PBX4: variants seen among roughly 807,000 people sequenced by gnomAD.
PBX4 encodes the protein PBX homeobox 4, also known as pre-B-cell leukemia transcription factor 4.
A neutral mutation model predicts 35.1 loss-of-function variants in PBX4; 26 were observed. The observed-to-expected ratio is 0.74, with a 90% CI of 0.54 to 1.03. PBX4 has a LOEUF of 1.03. Among genes scored for constraint, PBX4 ranks in the 50% least tolerant of loss-of-function variants. The probability of loss-of-function intolerance (pLI) is 0.00; values close to 1 mark genes in which losing one functional copy is unlikely to be tolerated. For synonymous variants in PBX4, 199 were observed against 204.2 expected, an observed-to-expected ratio of 0.97 and a Z score of 0.22; for missense variants, 448 against 504.3, an observed-to-expected ratio of 0.89 and a Z score of 1.07.
At position 19,561,949 on chromosome 19, in the gene PBX4, G is replaced by T; in HGVS notation, c.*76C>A. ...TCTGGGTTTTCTGAGGTCGTCGGCG[G>T]CACGTTCAGTAACAAAGCAACGGCT... On this transcript the variant is annotated 3_prime_UTR_variant, in exon 8 of 8. Transcript: ENST00000251203. 7.6e-7 allele frequency: 1 copy of T among 1,316,452 alleles called. No homozygotes were observed. Among genetic ancestry groups the T allele is most frequent in the Non-Finnish European group, 1.0e-6 (1 of 952,590 alleles). 81.5% of individuals were successfully genotyped at this position (1,316,452 alleles called of 1,614,324 possible).
At chr19:19,564,092 C>T (rs1480501912) in intron 6 of PBX4, among the ~76,000 whole-genome samples, 4 of 151,376 alleles carry the variant, frequency 2.6e-5, no homozygotes, top group Non-Finnish European at 4.4e-5. Flanking sequence ...GCTGCACCCA[C>T]TAACTCGTCA....
At chr19:19,606,638 A>C (rs2061633106) in intron 1 of PBX4, 1 of 152,234 alleles carries the variant, frequency 6.6e-6, no homozygotes, top group Non-Finnish European at 1.5e-5. Context: ...GAGAATGGGG[A>C]CCGTTGGGAG....
At chr19:19,596,740 A>G (rs909260033) in intron 2 of PBX4, among the ~76,000 whole-genome samples, 15 of 151,490 alleles carry the variant, frequency 9.9e-5, no homozygotes, top group African/African-American at 3.1e-4. Context: ...GCAACATGAC[A>G]AAACCCTCTC....
At chr19:19,586,932 AAAAAAG>A (rs934203120) in intron 2 of PBX4, among the ~76,000 whole-genome samples, 26 of 151,992 alleles carry the variant, frequency 1.7e-4, no homozygotes, top group Admixed American at 4.6e-4. Context: ...TTCCGTCTCA[AAAAAAG>A]AAAAAGAAAA....
rs189281132 is a variant in PBX4 at position 19,610,522 on chromosome 19, G to A, written c.119+7989C>T. 1.1e-3 allele frequency among the ~76,000 whole-genome samples: 161 copies of A among 152,158 alleles called. 1 individual carries two copies. Among genetic ancestry groups the A allele is most frequent in the African/African-American group, 3.7e-3 (155 of 41,492 alleles). ...CTCAGCACTTTGGGGAATCCGAGGC[G>A]GGATAATCATTTGAGGTCAGGAGTT... is the stretch of plus-strand genomic sequence containing the variant. On this transcript the variant is annotated intron_variant, in intron 1 of 7. Coordinates refer to ENST00000251203, the MANE Select transcript of PBX4 (RefSeq NM_025245.3).
chr19:19,589,572 C>T (rs2061513579), intron 2 of PBX4, among the ~76,000 whole-genome samples: 2 of 152,078 alleles, frequency 1.3e-5, no homozygotes, highest in Non-Finnish European at 2.9e-5. Context: ...GAGTTCGAAA[C>T]CAGCCTGGCC....
In PBX4 at chr19:19,609,549, GAAAA is replaced by G. The variant is rs11300224; in HGVS notation, c.119+8958_119+8961del. 1.1e-4 allele frequency among the ~76,000 whole-genome samples: 9 copies of G among 85,034 alleles called. No homozygotes were observed. In the South Asian group the frequency reaches 2.7e-3, roughly 26 times the overall value. The allele number at this position is 85,034 out of a possible 152,430, so 55.8% of individuals were successfully genotyped here. ...GGGCAACAAGAGCAAAAATCCATATGAAAAAAAAAAAAAAAAAAGAGCCAGGCGC... is the reference window on the plus strand; with the variant it reads ...GGGCAACAAGAGCAAAAATCCATATGAAAAAAAAAAAAAAGAGCCAGGCGC... On this transcript the variant is annotated intron_variant, in intron 1 of 7. Coordinates refer to ENST00000251203, the MANE Select transcript of PBX4 (RefSeq NM_025245.3).
chr19:19,589,091 G>A (rs968582877), intron 2 of PBX4, among the ~76,000 whole-genome samples: 2 of 151,996 alleles, frequency 1.3e-5, no homozygotes, highest in Admixed American at 6.6e-5. Flanking sequence ...TCACACCAGT[G>A]CCTCCAACCC....
intron 2 of PBX4, among the ~76,000 whole-genome samples, chr19:19,595,998 C>T (rs908768393): frequency 1.4e-4 from 21 of 151,630 alleles, no homozygotes; most frequent in Non-Finnish European, 2.5e-4. Flanking sequence ...TTTGGGAGGC[C>T]AAGGTGGGAG....
intron 2 of PBX4, chr19:19,588,496 C>T: frequency 3.3e-6 from 2 of 609,638 alleles, no homozygotes; most frequent in Non-Finnish European, 6.0e-6. Flanking sequence ...CCAGGCTGGT[C>T]TCGAACTCCT....
At chr19:19,566,975 C>T (rs1005489800) in intron 5 of PBX4, among the ~76,000 whole-genome samples, 1 of 152,186 alleles carries the variant, frequency 6.6e-6, no homozygotes, top group Admixed American at 6.5e-5. Flanking sequence ...CTCCAAAGTG[C>T]TGGGATTTCA....
chr19:19,582,258 C>G (rs967703787), intron 2 of PBX4, among the ~76,000 whole-genome samples: 3 of 152,202 alleles, frequency 2.0e-5, no homozygotes, highest in Non-Finnish European at 4.4e-5. Context: ...GCTCCACCCT[C>G]GGCCCTGTGC....
chr19:19,572,157 C>T (rs999854305), intron 2 of PBX4, among the ~76,000 whole-genome samples: 1 of 143,620 alleles, frequency 7.0e-6, no homozygotes, highest in Admixed American at 7.1e-5. Context: ...TCACTGCAAC[C>T]TCTGTCTCCC....
At position 19,584,013 on chromosome 19, in the gene PBX4, G is replaced by A. The variant is rs1024642862; in HGVS notation, c.194-13180C>T. 2.4e-4 allele frequency among the ~76,000 whole-genome samples: 36 copies of A among 152,182 alleles called. 1 individual carries two copies. The highest frequency in any genetic ancestry group is 8.0e-4 in the African/African-American group (33 of 41,458). ...GAACCCACGAGGCGGAGGTTGTGGT[G>A]AGCCGAGATCATGCCATTGCACTAC... On this transcript the variant is annotated intron_variant, in intron 2 of 7. Coordinates refer to ENST00000251203, the MANE Select transcript of PBX4 (RefSeq NM_025245.3).
At chr19:19,589,898 C>G (rs966321676) in intron 2 of PBX4, among the ~76,000 whole-genome samples, 1 of 152,146 alleles carries the variant, frequency 6.6e-6, no homozygotes, top group Non-Finnish European at 1.5e-5. Context: ...GGTCAGAAGA[C>G]AAACCAGAAA....
chr19:19,596,844 G>C (rs1400523562), intron 2 of PBX4, among the ~76,000 whole-genome samples: 2 of 151,224 alleles, frequency 1.3e-5, no homozygotes, highest in Admixed American at 1.3e-4. Context: ...ACCCACCCAG[G>C]AGGCTGAAGT....
At chr19:19,586,113 C>T (rs563429010) in intron 2 of PBX4, among the ~76,000 whole-genome samples, 5 of 152,272 alleles carry the variant, frequency 3.3e-5, no homozygotes, top group African/African-American at 1.2e-4. Context: ...CTGTTCTGTA[C>T]ATTTAAAAAA....
At chr19:19,586,478 A>T (rs771242563) in intron 2 of PBX4, among the ~76,000 whole-genome samples, 6 of 152,182 alleles carry the variant, frequency 3.9e-5, no homozygotes, top group Non-Finnish European at 8.8e-5. Context: ...TATGCGGTTT[A>T]GGCTTGTTTT....
intron 2 of PBX4, among the ~76,000 whole-genome samples, chr19:19,573,157 T>C (rs1447657390): frequency 1.3e-5 from 2 of 151,442 alleles, no homozygotes; most frequent in East Asian, 2.0e-4. Flanking sequence ...AATACAAAAT[T>C]AGCCGGGCAT....
Sources: gnomAD v4.1 joint callset for allele counts (sites outside exome capture counted in the v4.1 genomes callset) on GRCh38, gnomAD v4.1.1 for gene constraint, MANE v1.5 for transcripts, NCBI Gene and HGNC (gene_info 2026-07-23, HGNC 2026-07-21) for gene names.